Variants in TPM3 observed in about 807,000 individuals in gnomAD.
TPM3 encodes the protein tropomyosin alpha-3 chain.
Under a neutral mutation model 43.1 loss-of-function variants are expected in TPM3, and 16 were observed. The ratio of observed to expected loss-of-function variants is 0.37; its 90% CI spans 0.25 to 0.56. The LOEUF is 0.56. Among genes scored for constraint, TPM3 ranks in the 20% least tolerant of loss-of-function variants. TPM3 has a pLI of 0.77. For synonymous variants in TPM3, 101 were observed against 116.9 expected (o/e 0.86, Z 0.88); for missense variants, 176 against 337.2 (o/e 0.52, Z 3.74).
intron 3 of TPM3, among the ~76,000 whole-genome samples, chr1:154,175,647 C>T (rs1380306577): frequency 6.6e-6 from 1 of 152,148 alleles, no homozygotes; most frequent in Non-Finnish European, 1.5e-5. Flanking sequence ...ACTTAGAGAA[C>T]CTCTGTTTTA....
intron 2 of TPM3, among the ~76,000 whole-genome samples, chr1:154,178,445 G>A (rs538368368): frequency 6.6e-6 from 1 of 152,312 alleles, no homozygotes; most frequent in South Asian, 2.1e-4. Flanking sequence ...AGGGTGGAGT[G>A]GTAGGGAATG....
chr1:154,167,538 G>A lies in TPM3; in HGVS notation c.*399C>T. Reference sequence around the variant, plus strand: ...AGTATAACTAAAATTACTATCCTGAGTAACCTGTACTAAATCCATCACTCT... The same window carrying A: ...AGTATAACTAAAATTACTATCCTGAATAACCTGTACTAAATCCATCACTCT... On this transcript the variant is annotated 3_prime_UTR_variant, in exon 10 of 10. Coordinates refer to ENST00000651641, the MANE Select transcript of TPM3 (RefSeq NM_152263.4). The A allele has an allele frequency of 2.7e-6, 3 of 1,106,742 alleles. No homozygotes were observed. The highest frequency in any genetic ancestry group is 3.3e-6 in the Non-Finnish European group (3 of 903,302). The allele number at this position is 1,106,742 out of a possible 1,614,324, so 68.6% of individuals were successfully genotyped here.
At chr1:154,172,772 A>C in intron 5 of TPM3, 136 bp downstream of exon 5, 1 of 1,088,882 alleles carries the variant, frequency 9.2e-7, no homozygotes, top group Admixed American at 1.7e-5. Context: ...GGCCTAAAAA[A>C]GCACTATAGA....
chr1:154,173,007 G>A, intron 4 of TPM3, 29 bp from the exon 5 acceptor site: 1 of 1,614,178 alleles, frequency 6.2e-7, no homozygotes, highest in Non-Finnish European at 8.5e-7. Context: ...GTATAGCTTA[G>A]TGAAGCAAAG....
chr1:154,172,805 G>C, intron 5 of TPM3, 103 bp downstream of exon 5: 2 of 1,447,612 alleles, frequency 1.4e-6, no homozygotes, highest in Non-Finnish European at 1.9e-6. Flanking sequence ...CCTAGGCCCT[G>C]TTTAACAAGG....
chr1:154,155,894 C>T (rs142354101), downstream of TPM3: 166 of 206,132 alleles, frequency 8.1e-4, 1 homozygote, highest in African/African-American at 3.5e-3. Flanking sequence ...TACTTATCTC[C>T]ATTTTACAGA....
downstream of TPM3, among the ~76,000 whole-genome samples, chr1:154,159,894 A>T (rs1416923856): frequency 6.6e-6 from 1 of 152,190 alleles, no homozygotes; most frequent in Non-Finnish European, 1.5e-5. Flanking sequence ...AGAATCATGG[A>T]AAGCCCAGCT....
chr1:154,178,071 T>C (rs377671691), intron 2 of TPM3: 1 of 911,656 alleles, frequency 1.1e-6, no homozygotes. Flanking sequence ...CAAGTCAGGC[T>C]ATCAGGCAAG....
chr1:154,155,706 G>A (rs190467762), downstream of TPM3: 8 of 228,198 alleles, frequency 3.5e-5, no homozygotes, highest in African/African-American at 1.1e-4. Flanking sequence ...TTAAAACCAC[G>A]CATTTATAGT....
chr1:154,184,085 C>T (rs771306347), intron 2 of TPM3, among the ~76,000 whole-genome samples: 23 of 151,916 alleles, frequency 1.5e-4, no homozygotes, highest in Admixed American at 9.2e-4. Context: ...TCTCCTCTGT[C>T]GCCCAGGTTG....
intron 2 of TPM3, among the ~76,000 whole-genome samples, chr1:154,182,001 A>C (rs529163530): frequency 1.3e-5 from 2 of 151,238 alleles, no homozygotes; most frequent in East Asian, 4.0e-4. Context: ...TCAGTTGAAC[A>C]AATATTCCAC....
chr1:154,185,732 C>CA lies in TPM3; in HGVS notation c.243+5453dup, dbSNP rs1453952766. ...CTGAAAAAAAAAAAAAGAAAAACAACAAAAAAAGAAACTTTCCCTACAGGC... is the reference window on the plus strand; with the variant it reads ...CTGAAAAAAAAAAAAAGAAAAACAACAAAAAAAAGAAACTTTCCCTACAGGC... On this transcript the variant is annotated intron_variant, in intron 2 of 9. Transcript: ENST00000651641. Among the ~76,000 whole-genome samples the CA allele has an allele frequency of 1.5e-3, 229 of 150,104 alleles. 14 individuals are homozygous for CA. The highest frequency in any genetic ancestry group is 5.5e-3 in the African/African-American group (222 of 40,266).
rs1660427287 is a variant in TPM3 at position 154,162,064 on chromosome 1, A to G, written c.*5873T>C. 4.6e-5 allele frequency among the ~76,000 whole-genome samples: 7 copies of G among 152,160 alleles called. No homozygotes were observed. The South Asian group carries it at 1.4e-3, about 31-fold the overall frequency. The stretch of plus-strand genomic sequence containing the variant: ...ATTTGGTCTAGCGTTCTTTTCAGCT[A>G]TATCTAATTAAGAAACAACCCCATG... On this transcript the variant is annotated 3_prime_UTR_variant, in exon 10 of 10. Transcript: ENST00000651641.
chr1:154,175,147 C>T lies in TPM3; in HGVS notation c.377+968G>A, dbSNP rs138745023. Among the ~76,000 whole-genome samples the T allele has an allele frequency of 7.6e-3, 1,157 of 151,928 alleles. 13 individuals carry two copies. The highest frequency in any genetic ancestry group is 0.027 in the African/African-American group (1,099 of 41,468). ...GAGATCAAGACCATCCTGGCTAATA[C>T]GGTGAAACCCTGTCTCTACTAAAAA... On this transcript the variant is annotated intron_variant, in intron 3 of 9. Transcript: ENST00000651641.
Position 154,170,440 on chromosome 1 carries a change from T to C in TPM3, c.735A>G (p.Arg245=). 1 of 1,614,148 alleles carries C rather than the reference T, an allele frequency of 6.2e-7. No homozygotes were observed. The highest frequency in any genetic ancestry group is 8.5e-7 in the Non-Finnish European group (1 of 1,180,026). Reference sequence around the variant, plus strand: ...TTGTCTTTTCCAGCTTGGCTACCGATCTCTCAGCAAACTCAGCACGGGTCT... The same window carrying C: ...TTGTCTTTTCCAGCTTGGCTACCGACCTCTCAGCAAACTCAGCACGGGTCT... ...EAETRAEFAE[R]SVAKLEKTID... The change falls in exon 8 of 10, where the codon AGA becomes AGG. Residue 245 remains arginine (R), a synonymous_variant. Transcript: ENST00000651641.
In TPM3 at chr1:154,162,539, G is replaced by T. The variant is rs116473927; in HGVS notation, c.*5398C>A. 6.8e-3 allele frequency among the ~76,000 whole-genome samples: 1,038 copies of T among 152,018 alleles called. 15 individuals are homozygous for T. Among genetic ancestry groups the T allele is most frequent in the Middle Eastern group, 0.024 (7 of 294 alleles). ...CAGTTGTACCTATCAGATAACTTGG[G>T]GTTACTACATCTTATTCCTTATCTC... On this transcript the variant is annotated 3_prime_UTR_variant, in exon 10 of 10. Transcript: ENST00000651641.
chr1:154,179,831 G>A (rs1478913213), intron 2 of TPM3, among the ~76,000 whole-genome samples: 1 of 151,824 alleles, frequency 6.6e-6, no homozygotes, highest in Admixed American at 6.6e-5. Flanking sequence ...CCTCCCAAAG[G>A]GCTGGGATTA....
At chr1:154,189,519 C>CG (rs1455199385) in intron 2 of TPM3, among the ~76,000 whole-genome samples, 1 of 151,362 alleles carries the variant, frequency 6.6e-6, no homozygotes, top group Non-Finnish European at 1.5e-5. Context: ...CCTGGCTGGG[C>CG]GGGGTGGCTC....
intron 2 of TPM3, chr1:154,183,177 A>G: frequency 6.3e-7 from 1 of 1,595,860 alleles, no homozygotes; most frequent in Middle Eastern, 2.3e-4. Flanking sequence ...TCGGCGTTGC[A>G]GCCTCCTCTC....
Sources: gnomAD v4.1 joint callset for allele counts (sites outside exome capture counted in the v4.1 genomes callset) on GRCh38, gnomAD v4.1.1 for gene constraint, MANE v1.5 for transcripts, NCBI Gene and HGNC (gene_info 2026-07-23, HGNC 2026-07-21) for gene names.